PRRX1: variants seen among roughly 807,000 people sequenced by gnomAD.
The protein encoded by PRRX1 is paired related homeobox 1, also known as paired mesoderm homeobox protein 1.
A neutral mutation model predicts 24.0 loss-of-function variants in PRRX1; 8 were observed. The ratio of observed to expected loss-of-function variants is 0.33; its 90% CI spans 0.20 to 0.60. The LOEUF is 0.60. PRRX1 is among the 20% of genes least tolerant of loss of function. The probability of loss-of-function intolerance (pLI) is 0.82; values close to 1 mark genes in which losing one functional copy is unlikely to be tolerated. For missense variants in PRRX1, 281 were observed against 322.4 expected (o/e 0.87, Z 0.98); for synonymous variants, 160 against 131.7 (o/e 1.22, Z -1.47).
chr1:170,726,517 A>T, intron 3 of PRRX1, 116 bp downstream of exon 3: 3 of 1,280,516 alleles, frequency 2.3e-6, no homozygotes, highest in Non-Finnish European at 3.3e-6. Flanking sequence ...ATCTCTTCAG[A>T]GACATTCAAC....
At chr1:170,733,824 G>A (rs182423342) in intron 3 of PRRX1, among the ~76,000 whole-genome samples, 34 of 152,140 alleles carry the variant, frequency 2.2e-4, no homozygotes, top group Admixed American at 2.1e-3. Context: ...GGTTTTGTGG[G>A]TTTACATACA....
chr1:170,664,718 A>G (rs954427744), intron 1 of PRRX1, among the ~76,000 whole-genome samples: 2 of 152,248 alleles, frequency 1.3e-5, no homozygotes, highest in Admixed American at 6.5e-5. Context: ...GGTCTCAGGC[A>G]GGGACTCTGT....
chr1:170,703,226 T>C (rs2101905775), intron 1 of PRRX1, among the ~76,000 whole-genome samples: 1 of 152,358 alleles, frequency 6.6e-6, no homozygotes. Context: ...AACCTCTGAA[T>C]TCTTTCAGGA....
intron 1 of PRRX1, among the ~76,000 whole-genome samples, chr1:170,695,296 T>A (rs1458240984): frequency 6.6e-6 from 1 of 152,152 alleles, no homozygotes; most frequent in Admixed American, 6.6e-5. Context: ...CCCTACATAA[T>A]GCTTATTATG....
At position 170,664,256 on chromosome 1, in the gene PRRX1, C is replaced by G. The variant is rs200885791; in HGVS notation, c.38C>G (p.Pro13Arg). 5 of 1,612,432 alleles carry G rather than the reference C, an allele frequency of 3.1e-6. No individual in the cohort carries two copies. Among genetic ancestry groups the G allele is most frequent in the Non-Finnish European group, 3.4e-6 (4 of 1,179,506 alleles). ...SSYGHVLERQ[P>R]ALGGRLDSPG... ...TACGGGCACGTTCTGGAGCGGCAAC[C>G]GGCGCTGGGCGGCCGCTTGGACAGC... Residue 13 changes from proline to arginine, a missense_variant, in exon 1 of 4, where the codon CCG (proline) becomes CGG (arginine). By Grantham distance (103) the Pro-to-Arg change is moderately radical. Transcript: ENST00000239461.
chr1:170,699,621 T>C (rs1194557094), intron 1 of PRRX1, among the ~76,000 whole-genome samples: 1 of 152,010 alleles, frequency 6.6e-6, no homozygotes, highest in African/African-American at 2.4e-5. Context: ...AGAAATCAGG[T>C]TCCTATGGGC....
At chr1:170,712,967 A>T (rs944607830) in intron 1 of PRRX1, among the ~76,000 whole-genome samples, 3 of 152,308 alleles carry the variant, frequency 2.0e-5, no homozygotes, top group Non-Finnish European at 2.9e-5. Context: ...CCATAGAAAA[A>T]TTGGAGGTAG....
chr1:170,675,864 ATAAT>A (rs1414006468), intron 1 of PRRX1, among the ~76,000 whole-genome samples: 3 of 152,204 alleles, frequency 2.0e-5, no homozygotes, highest in African/African-American at 7.2e-5. Context: ...ATATATGTTA[ATAAT>A]TAATCTTTCT....
In PRRX1 at chr1:170,679,186, G is replaced by C. The variant is rs566584067; in HGVS notation, c.241+14727G>C. 3.9e-5 allele frequency among the ~76,000 whole-genome samples: 6 copies of C among 152,292 alleles called. No individual in the cohort carries two copies. In the South Asian group the frequency reaches 1.2e-3, roughly 32 times the overall value. ...AGAGGCAAACAGTTTAAGCCTCAGA[G>C]CACTTATCATGGTGCTTTTTATATT... On this transcript the variant is annotated intron_variant, in intron 1 of 3. Transcript: ENST00000239461.
At chr1:170,692,770 C>T (rs548988202) in intron 1 of PRRX1, among the ~76,000 whole-genome samples, 5 of 151,602 alleles carry the variant, frequency 3.3e-5, no homozygotes, top group East Asian at 3.9e-4. Context: ...CACAGACACA[C>T]GTGCACACGC....
intron 1 of PRRX1, 88 bp from the exon 2 acceptor site, chr1:170,719,638 G>T: frequency 7.2e-7 from 1 of 1,397,492 alleles, no homozygotes; most frequent in Non-Finnish European, 1.0e-6. Flanking sequence ...AATGAAGCAA[G>T]ATCTCACTAT....
At chr1:170,664,720 G>C (rs985908835) in intron 1 of PRRX1, among the ~76,000 whole-genome samples, 1 of 152,252 alleles carries the variant, frequency 6.6e-6, no homozygotes, top group Non-Finnish European at 1.5e-5. Flanking sequence ...TCTCAGGCAG[G>C]GACTCTGTCC....
In PRRX1 at chr1:170,680,096, C is replaced by G. The variant is rs1653459310; in HGVS notation, c.241+15637C>G. On this transcript the variant is annotated intron_variant, in intron 1 of 3. Coordinates refer to ENST00000239461, the MANE Select transcript of PRRX1 (RefSeq NM_022716.4). The stretch of plus-strand genomic sequence containing the variant: ...ATTCCACTAGTAGTTTTGACATATG[C>G]TAAAGTTATATCTCAAATATCCCCT... Among the ~76,000 whole-genome samples the G allele has an allele frequency of 2.0e-5, 3 of 152,210 alleles. No homozygotes were observed. The South Asian group carries it at 6.2e-4, about 32-fold the overall frequency.
chr1:170,686,550 G>C lies in PRRX1; in HGVS notation c.241+22091G>C, dbSNP rs188463591. The stretch of plus-strand genomic sequence containing the variant: ...ACACTGATTCAAATTCTAGCCTTAG[G>C]GGGTAGCTGTTTGATGAGAACAGAG... On this transcript the variant is annotated intron_variant, in intron 1 of 3. Transcript: ENST00000239461. Among the ~76,000 whole-genome samples the C allele has an allele frequency of 7.2e-5, 11 of 152,282 alleles. No individual in the cohort carries two copies. In the East Asian group the frequency reaches 1.7e-3, roughly 24 times the overall value.
chr1:170,693,960 T>G (rs1271858443), intron 1 of PRRX1, among the ~76,000 whole-genome samples: 1 of 152,066 alleles, frequency 6.6e-6, no homozygotes, highest in East Asian at 1.9e-4. Flanking sequence ...CTAGTTTTTT[T>G]TTCATGTTTT....
At chr1:170,703,005 G>T (rs1427910741) in intron 1 of PRRX1, among the ~76,000 whole-genome samples, 10 of 152,162 alleles carry the variant, frequency 6.6e-5, no homozygotes, top group Non-Finnish European at 1.5e-4. Flanking sequence ...ACTTCAGTTT[G>T]CAAAGCCAAA....
chr1:170,737,723 G>A lies in PRRX1; in HGVS notation c.*1537G>A, dbSNP rs1655666208. ...TTTCTTTGTTCCCAGCCATGCTTTT[G>A]TAACTTGCCAGGTGGACTTGACCAA... On this transcript the variant is annotated 3_prime_UTR_variant, in exon 4 of 4. Coordinates refer to ENST00000239461, the MANE Select transcript of PRRX1 (RefSeq NM_022716.4). The A allele has an allele frequency of 9.0e-6, 2 of 221,748 alleles. No homozygotes were observed. Among genetic ancestry groups the A allele is most frequent in the African/African-American group, 4.5e-5 (2 of 44,630 alleles). 13.7% of individuals were successfully genotyped at this position (221,748 alleles called of 1,614,324 possible). A position where few individuals can be genotyped will look rare whatever the true frequency, so the allele number is the denominator to read the frequency against.
intron 1 of PRRX1, among the ~76,000 whole-genome samples, chr1:170,695,144 A>G (rs554628104): frequency 1.9e-4 from 29 of 152,256 alleles, no homozygotes; most frequent in Middle Eastern, 3.4e-3. Context: ...ATTAAATGCA[A>G]CAACCATACC....
chr1:170,726,332 A>C lies in PRRX1; in HGVS notation c.530A>C (p.Gln177Pro). The C allele has an allele frequency of 2.5e-6, 4 of 1,614,136 alleles. No individual in the cohort carries two copies. The highest frequency in any genetic ancestry group is 3.4e-6 in the Non-Finnish European group (4 of 1,180,006). The change falls in exon 3 of 4, where the codon CAG becomes CCG. Residue 177 changes from glutamine to proline, a missense_variant. Gln to Pro is a moderately conservative substitution (Grantham distance 76, BLOSUM62 -1). Coordinates refer to ENST00000239461, the MANE Select transcript of PRRX1 (RefSeq NM_022716.4). ...TCAGGAGACGTGACTGCTGTGGAGC[A>C]GCCCATCGTACCTCGTCCTGCTCCG... ...SYSGDVTAVE[Q>P]PIVPRPAPRP... is the part of the protein sequence containing the mutation.
Sources: allele counts gnomAD v4.1 joint callset (sites outside exome capture counted in the v4.1 genomes callset), GRCh38; gene constraint gnomAD v4.1.1; transcripts MANE v1.5; gene names NCBI Gene and HGNC (gene_info 2026-07-23, HGNC 2026-07-21).